PREX1: variants seen among roughly 807,000 people sequenced by gnomAD.
PREX1 encodes phosphatidylinositol 3,4,5-trisphosphate-dependent Rac exchanger 1 protein.
A neutral mutation model predicts 198.3 loss-of-function variants in PREX1; 41 were observed. That is an observed-to-expected ratio of 0.21 (90% CI 0.16 to 0.27). PREX1 has a LOEUF of 0.27. PREX1 is among the 10% of genes least tolerant of loss of function. The pLI, the probability that PREX1 is intolerant of heterozygous loss-of-function variation, is 1.00. For synonymous variants in PREX1, 843 were observed against 887.2 expected, an observed-to-expected ratio of 0.95 and a Z score of 0.89; for missense variants, 1,620 against 2,200.7, an observed-to-expected ratio of 0.74 and a Z score of 5.28.
rs768763216 is a variant in PREX1, at chr20:48,650,980, T to C, written c.2731A>G (p.Ile911Val). ...AACTCAAAGTGGGGCATGGTCACGATGGCGCTGCTCAGGGCCATGAGCCGC... is the reference window on the plus strand; with the variant it reads ...AACTCAAAGTGGGGCATGGTCACGACGGCGCTGCTCAGGGCCATGAGCCGC... ...CRRLMALSSA[I>V]VTMPHFEFRN... Residue 911 changes from isoleucine to valine, a missense_variant, in exon 23 of 40, where the codon ATC becomes GTC. Physicochemically the swap from Ile to Val is conservative, Grantham distance 29 (BLOSUM62 3). This residue lies in a region of PREX1 where 514 missense variants were observed against 611.6 expected (regional missense o/e 0.84). Transcript: ENST00000371941. The C allele has an allele frequency of 1.2e-6, 2 of 1,614,198 alleles. No homozygotes were observed. Among genetic ancestry groups the C allele is most frequent in the African/African-American group, 1.3e-5 (1 of 75,050 alleles).
chr20:48,832,185 G>A, upstream of PREX1, among the ~76,000 whole-genome samples: 1 of 152,038 alleles, frequency 6.6e-6, no homozygotes, highest in Non-Finnish European at 1.5e-5. Flanking sequence ...CTCTTTTGCA[G>A]GGACAATTTT....
intron 1 of PREX1, among the ~76,000 whole-genome samples, chr20:48,821,078 T>C (rs900482676): frequency 6.6e-6 from 1 of 152,182 alleles, no homozygotes; most frequent in Admixed American, 6.5e-5. Flanking sequence ...GGCACGTGCC[T>C]GTAGTCCCAG....
chr20:48,772,944 C>T (rs1302352984), intron 1 of PREX1, among the ~76,000 whole-genome samples: 2 of 152,188 alleles, frequency 1.3e-5, no homozygotes, highest in Admixed American at 6.5e-5. Context: ...CTGTAAAGTG[C>T]TTACCAGCAC....
At chr20:48,771,022 A>G (rs527900035) in intron 1 of PREX1, among the ~76,000 whole-genome samples, 34 of 152,284 alleles carry the variant, frequency 2.2e-4, no homozygotes, top group African/African-American at 7.9e-4. Flanking sequence ...CAGTATGTAC[A>G]GTTGCCTTTC....
At chr20:48,679,601 A>C in intron 12 of PREX1, 50 bp downstream of exon 12, 1 of 1,522,184 alleles carries the variant, frequency 6.6e-7, no homozygotes, top group African/African-American at 1.4e-5. Context: ...CCCAGGGTGG[A>C]GGTGAACGAG....
chr20:48,873,495 G>A, the PREX1 span, among the ~76,000 whole-genome samples: 39 of 150,718 alleles, frequency 2.6e-4, no homozygotes, highest in Admixed American at 4.6e-4. Flanking sequence ...GGTCACCTGA[G>A]GTCAGGAGTT....
At chr20:48,873,932 G>A in the PREX1 span, among the ~76,000 whole-genome samples, 2 of 152,106 alleles carry the variant, frequency 1.3e-5, no homozygotes, top group Admixed American at 1.3e-4. Context: ...CACCCAGGCT[G>A]GATTACAGTG....
chr20:48,863,028 A>G, the PREX1 span, among the ~76,000 whole-genome samples: 2 of 151,714 alleles, frequency 1.3e-5, no homozygotes, highest in Non-Finnish European at 2.9e-5. Context: ...GGGTCACACC[A>G]GGTTGCCTGG....
chr20:48,865,319 A>C, the PREX1 span, among the ~76,000 whole-genome samples: 2 of 152,178 alleles, frequency 1.3e-5, no homozygotes, highest in Non-Finnish European at 2.9e-5. Flanking sequence ...GCTACGCTTG[A>C]CAGAAATTTG....
intron 2 of PREX1, among the ~76,000 whole-genome samples, chr20:48,746,700 C>G (rs920300756): frequency 6.6e-6 from 1 of 151,950 alleles, no homozygotes; most frequent in Non-Finnish European, 1.5e-5. Flanking sequence ...TACGTAGACA[C>G]GCACTGCATT....
chr20:48,834,362 AT>A, the PREX1 span, among the ~76,000 whole-genome samples: 19 of 149,984 alleles, frequency 1.3e-4, no homozygotes, highest in Admixed American at 2.7e-4. Flanking sequence ...TGTCTGGGTT[AT>A]TTTTTTTTTC....
intron 1 of PREX1, among the ~76,000 whole-genome samples, chr20:48,767,214 C>A (rs2090212479): frequency 6.6e-6 from 1 of 152,202 alleles, no homozygotes; most frequent in African/African-American, 2.4e-5. Context: ...ACCTCGACTC[C>A]CTGCCTTCCA....
intron 37 of PREX1, among the ~76,000 whole-genome samples, chr20:48,628,488 A>T (rs1042560841): frequency 6.6e-6 from 1 of 152,138 alleles, no homozygotes; most frequent in Non-Finnish European, 1.5e-5. Context: ...ATTAACTATG[A>T]AACAGGGAGC....
rs774681439 is a variant in PREX1, at chr20:48,659,936, G to A, written c.1864C>T (p.Leu622=). The change falls in exon 16 of 40, where the codon CTG becomes TTG. Residue 622 remains leucine, a synonymous_variant. Transcript: ENST00000371941. ...GCTCCTACCAGCAGGCGCTTGGCCA[G>A]AATGTTCTCCACCAGCTTGAAGTCG... ...RNDFKLVENI[L]AKRLLILPQE... 6.2e-7 allele frequency: 1 copy of A among 1,614,248 alleles called. No homozygotes were observed. Among genetic ancestry groups the A allele is most frequent in the South Asian group, 1.1e-5 (1 of 91,088 alleles).
the PREX1 span, among the ~76,000 whole-genome samples, chr20:48,880,981 T>TAAAAAAAAAAAAA: frequency 2.5e-3 from 53 of 20,994 alleles, 9 homozygotes; most frequent in African/African-American, 0.011. Context: ...AAACCATTGC[T>TAAAAAAAAAAAAA]AAAAAAAAAA....
Position 48,652,722 on chromosome 20 carries a change from G to GT in PREX1, c.2347-17dup. 5 of 1,608,822 alleles carry GT rather than the reference G, an allele frequency of 3.1e-6. No homozygotes were observed. Among genetic ancestry groups the GT allele is most frequent in the Non-Finnish European group, 4.2e-6 (5 of 1,177,074 alleles). ...GGTACAGGCCCTGCCAGAAGCCAGA[G>GT]TAAGGGGACAGCCATGGTGCCGGCA... On this transcript the variant is annotated splice_polypyrimidine_tract_variant and intron_variant, in intron 20 of 39. Coordinates refer to ENST00000371941, the MANE Select transcript of PREX1 (RefSeq NM_020820.4).
the PREX1 span, among the ~76,000 whole-genome samples, chr20:48,857,665 C>A: frequency 6.6e-6 from 1 of 151,946 alleles, no homozygotes; most frequent in African/African-American, 2.4e-5. Flanking sequence ...CCCAATTACT[C>A]GGGAGGCTGA....
intron 1 of PREX1, among the ~76,000 whole-genome samples, chr20:48,780,283 G>A (rs1415338759): frequency 1.3e-5 from 2 of 152,090 alleles, no homozygotes; most frequent in African/African-American, 4.8e-5. Context: ...AATACAAGAT[G>A]AGCCAGAATA....
chr20:48,788,540 C>A (rs2122957988), intron 1 of PREX1, among the ~76,000 whole-genome samples: 1 of 152,256 alleles, frequency 6.6e-6, no homozygotes, highest in Non-Finnish European at 1.5e-5. Context: ...CAGGATGAAG[C>A]CAATTCTTTG....
Sources: gnomAD v4.1 joint callset for allele counts (sites outside exome capture counted in the v4.1 genomes callset) on GRCh38, gnomAD v4.1.1 for gene constraint, gnomAD v4.1.1 regional missense constraint, MANE v1.5 for transcripts, NCBI Gene and HGNC (gene_info 2026-07-23, HGNC 2026-07-21) for gene names.